The following HS6ST3 variants were observed in gnomAD, a reference collection of about 807,000 sequenced individuals.
The protein encoded by HS6ST3 is heparan sulfate 6-O-sulfotransferase 3, also known as heparan-sulfate 6-O-sulfotransferase 3.
A neutral mutation model predicts 36.7 loss-of-function variants in HS6ST3; 12 were observed. That is an observed-to-expected ratio of 0.33 (90% CI 0.21 to 0.53). The LOEUF is 0.53. Among genes scored for constraint, HS6ST3 ranks in the 20% least tolerant of loss-of-function variants. HS6ST3 has a pLI of 0.95. For synonymous variants in HS6ST3, 240 were observed against 257.5 expected (o/e 0.93, Z 0.65); for missense variants, 584 against 640.9 (o/e 0.91, Z 0.96).
chr13:96,306,008 T>G (rs2054911169), intron 1 of HS6ST3, among the ~76,000 whole-genome samples: 1 of 151,822 alleles, frequency 6.6e-6, no homozygotes, highest in Non-Finnish European at 1.5e-5. Flanking sequence ...CTTGGCTCAC[T>G]GCAACCTCTG....
chr13:96,769,773 T>TGC (rs34112219), intron 1 of HS6ST3, among the ~76,000 whole-genome samples: 6,879 of 142,192 alleles, frequency 0.048, 513 homozygotes, highest in African/African-American at 0.14. Flanking sequence ...TGTGTGTGTG[T>TGC]GCGCACATAT....
intron 1 of HS6ST3, among the ~76,000 whole-genome samples, chr13:96,728,695 A>G (rs544720870): frequency 6.2e-4 from 94 of 152,330 alleles, no homozygotes; most frequent in African/African-American, 2.2e-3. Flanking sequence ...AACCCAGTCA[A>G]TGTGGCACCT....
At chr13:96,152,802 C>T (rs924059846) in intron 1 of HS6ST3, among the ~76,000 whole-genome samples, 2 of 152,140 alleles carry the variant, frequency 1.3e-5, no homozygotes, top group Non-Finnish European at 2.9e-5. Flanking sequence ...CTTTGGCAGT[C>T]AAGGTCATCC....
At chr13:96,785,935 C>A (rs1877636153) in intron 1 of HS6ST3, among the ~76,000 whole-genome samples, 1 of 152,154 alleles carries the variant, frequency 6.6e-6, no homozygotes, top group South Asian at 2.1e-4. Context: ...GTAATATAAA[C>A]CAGATCATGG....
At chr13:96,373,640 A>C (rs1416683595) in intron 1 of HS6ST3, among the ~76,000 whole-genome samples, 2 of 152,168 alleles carry the variant, frequency 1.3e-5, no homozygotes, top group Non-Finnish European at 2.9e-5. Context: ...TCATGTTGTT[A>C]ACAAATATGT....
At chr13:96,705,305 G>T (rs1875390281) in intron 1 of HS6ST3, among the ~76,000 whole-genome samples, 1 of 152,002 alleles carries the variant, frequency 6.6e-6, no homozygotes, top group Non-Finnish European at 1.5e-5. Flanking sequence ...CCAATCTCTT[G>T]GGACTTTTAA....
intron 1 of HS6ST3, among the ~76,000 whole-genome samples, chr13:96,754,620 A>G (rs988904238): frequency 1.3e-5 from 2 of 152,226 alleles, no homozygotes; most frequent in Non-Finnish European, 2.9e-5. Context: ...CAGTGGGTCT[A>G]TAGCTCTAGG....
chr13:96,178,494 G>A (rs7330979), intron 1 of HS6ST3, among the ~76,000 whole-genome samples: 138,405 of 151,820 alleles, frequency 0.91, 63,214 homozygotes, highest in Non-Finnish European at 0.94. Flanking sequence ...ACTATACACT[G>A]TGCTGGTAAA....
intron 1 of HS6ST3, among the ~76,000 whole-genome samples, chr13:96,334,403 C>A (rs1018422260): frequency 2.0e-5 from 3 of 152,150 alleles, no homozygotes; most frequent in African/African-American, 7.2e-5. Context: ...GAAGCAGATG[C>A]CAGCATTATA....
At chr13:96,514,316 A>G (rs1322160570) in intron 1 of HS6ST3, among the ~76,000 whole-genome samples, 1 of 152,186 alleles carries the variant, frequency 6.6e-6, no homozygotes, top group African/African-American at 2.4e-5. Context: ...GATTAATTCA[A>G]TGTGAGATAT....
At chr13:96,181,985 C>T (rs963156242) in intron 1 of HS6ST3, among the ~76,000 whole-genome samples, 2 of 152,120 alleles carry the variant, frequency 1.3e-5, no homozygotes, top group African/African-American at 4.8e-5. Flanking sequence ...TTCACCTACC[C>T]TGTTTTGTTT....
At chr13:96,407,887 A>C (rs1476341777) in intron 1 of HS6ST3, among the ~76,000 whole-genome samples, 2 of 152,186 alleles carry the variant, frequency 1.3e-5, no homozygotes, top group East Asian at 3.9e-4. Flanking sequence ...GATTCAGGGA[A>C]GATTTGGTTA....
chr13:96,714,282 G>A (rs181026770), intron 1 of HS6ST3, among the ~76,000 whole-genome samples: 8 of 151,988 alleles, frequency 5.3e-5, no homozygotes, highest in African/African-American at 9.6e-5. Flanking sequence ...AGTATGATAC[G>A]GATAACTTCT....
intron 1 of HS6ST3, among the ~76,000 whole-genome samples, chr13:96,740,031 T>A (rs991763473): frequency 6.6e-6 from 1 of 152,106 alleles, no homozygotes; most frequent in Non-Finnish European, 1.5e-5. Context: ...CACTGTAAAA[T>A]TTTGCCACCT....
chr13:96,632,310 T>TG (rs1194066086), intron 1 of HS6ST3, among the ~76,000 whole-genome samples: 2 of 5,428 alleles, frequency 3.7e-4, no homozygotes, highest in Non-Finnish European at 0.01. Flanking sequence ...TAAATTTCTG[T>TG]GTTTTTTTTT....
At chr13:96,493,901 G>T (rs1311155812) in intron 1 of HS6ST3, among the ~76,000 whole-genome samples, 1 of 152,058 alleles carries the variant, frequency 6.6e-6, no homozygotes, top group Non-Finnish European at 1.5e-5. Flanking sequence ...GAAAATTTTT[G>T]CAGAATGGCT....
At chr13:96,300,795 G>GTA (rs2054878252) in intron 1 of HS6ST3, among the ~76,000 whole-genome samples, 1 of 152,104 alleles carries the variant, frequency 6.6e-6, no homozygotes, top group Non-Finnish European at 1.5e-5. Context: ...TGATAAAAAT[G>GTA]TATAGTTTAA....
At chr13:96,107,803 G>A (rs1489398455) in intron 1 of HS6ST3, among the ~76,000 whole-genome samples, 1 of 152,100 alleles carries the variant, frequency 6.6e-6, no homozygotes, top group Non-Finnish European at 1.5e-5. Context: ...AGATTTTGTG[G>A]ACATTTATCA....
In HS6ST3 at chr13:96,302,174, A is replaced by T. The variant is rs967380419; in HGVS notation, c.707+210605A>T. ...TATGTATCAATGGCCACAAAATTTT[A>T]AAAAAAATTCTAAAACTCTATTTGA... On this transcript the variant is annotated intron_variant, in intron 1 of 1. Transcript: ENST00000376705. Among the ~76,000 whole-genome samples the T allele has an allele frequency of 4.1e-4, 63 of 151,918 alleles. No homozygotes were observed. The East Asian group carries it at 4.6e-3, about 11-fold the overall frequency.
Sources: gnomAD v4.1 joint callset for allele counts (sites outside exome capture counted in the v4.1 genomes callset) on GRCh38, gnomAD v4.1.1 for gene constraint, MANE v1.5 for transcripts, NCBI Gene and HGNC (gene_info 2026-07-23, HGNC 2026-07-21) for gene names.